EP300: variants seen among roughly 807,000 people sequenced by gnomAD.
EP300 encodes the protein histone acetyltransferase p300.
Under a neutral mutation model 264.0 loss-of-function variants are expected in EP300, and 31 were observed. The ratio of observed to expected loss-of-function variants is 0.12; its 90% CI spans 0.09 to 0.16. The LOEUF (loss-of-function observed/expected upper bound fraction) is 0.16. EP300 is among the 10% of genes least tolerant of loss of function. EP300 has a pLI of 1.00. For synonymous variants in EP300, 1,340 were observed against 1,045.4 expected (o/e 1.28, Z -5.44); for missense variants, 2,766 against 3,052.9 (o/e 0.91, Z 2.21).
chr22:41,098,731 A>G (rs1259236143), intron 1 of EP300, among the ~76,000 whole-genome samples: 3 of 152,186 alleles, frequency 2.0e-5, no homozygotes, highest in African/African-American at 7.2e-5. Flanking sequence ...AGAGTAAGAG[A>G]GTAGCTAAGA....
At chr22:41,163,891 C>G (rs1269308981) in intron 21 of EP300, among the ~76,000 whole-genome samples, 162 bp from the exon 22 acceptor site, 1 of 152,206 alleles carries the variant, frequency 6.6e-6, no homozygotes, top group Non-Finnish European at 1.5e-5. Flanking sequence ...CCAGCCTGTA[C>G]AACAGAGACC....
chr22:41,169,248 G>C, intron 25 of EP300: 1 of 568,346 alleles, frequency 1.8e-6, no homozygotes, highest in Non-Finnish European at 3.1e-6. Context: ...AAACGTATAG[G>C]GATCACCAAA....
chr22:41,134,406 G>A (rs958695354), intron 6 of EP300, among the ~76,000 whole-genome samples: 1 of 152,048 alleles, frequency 6.6e-6, no homozygotes, highest in Non-Finnish European at 1.5e-5. Context: ...GTGTGTGTAT[G>A]TGTGTGTTTG....
chr22:41,105,225 G>A (rs1417181941), intron 1 of EP300, among the ~76,000 whole-genome samples: 4 of 144,626 alleles, frequency 2.8e-5, no homozygotes, highest in Admixed American at 6.9e-5. Context: ...AAAAAAAGCC[G>A]GGCGTGGTGG....
Position 41,179,142 on chromosome 22 carries a change from A to C in EP300, c.*186A>C, listed in dbSNP as rs1212271528. On this transcript the variant is annotated 3_prime_UTR_variant, in exon 31 of 31. Coordinates refer to ENST00000263253, the MANE Select transcript of EP300 (RefSeq NM_001429.4). The stretch of plus-strand genomic sequence containing the variant: ...CAAGATGAACCTGAGGGATGATAGA[A>C]TACAAAGAATATATTTTTGTTATGG... 3 of 654,640 alleles carry C rather than the reference A, an allele frequency of 4.6e-6. No homozygotes were observed. In the African/African-American group the frequency reaches 5.5e-5, roughly 12 times the overall value. The allele number at this position is 654,640 out of a possible 1,614,324, so 40.6% of individuals were successfully genotyped here.
Position 41,176,411 on chromosome 22 carries a change from G to T in EP300, c.4944G>T (p.Gln1648His). 6.2e-7 allele frequency: 1 copy of T among 1,614,258 alleles called. No individual in the cohort carries two copies. Among genetic ancestry groups the T allele is most frequent in the Non-Finnish European group, 8.5e-7 (1 of 1,180,052 alleles). The change falls in exon 30 of 31, where the codon CAG becomes CAT. Residue 1648 changes from glutamine (Q) to histidine (H), a missense_variant. By Grantham distance (24) the Gln-to-His change is conservative. Transcript: ENST00000263253. ...HLEFSSLRRA[Q>H]WSTMCMLVEL... ...AGTTCTCTTCACTCCGAAGAGCCCA[G>T]TGGTCCACCATGTGCATGCTGGTGG...
rs369082793 is a variant in EP300 at position 41,151,783 on chromosome 22, T to G, written c.2818-50T>G. ...CTTACCTTACATTCTGATTGTATCG[T>G]TGGCAGACTCTGCGTGTGTCTCACC... On this transcript the variant is annotated intron_variant, in intron 14 of 30. Transcript: ENST00000263253. 7 of 1,572,568 alleles carry G rather than the reference T, an allele frequency of 4.5e-6. No individual in the cohort carries two copies. The African/African-American group carries it at 5.4e-5, about 12-fold the overall frequency.
chr22:41,119,802 C>T (rs953596862), intron 2 of EP300, among the ~76,000 whole-genome samples: 1 of 152,036 alleles, frequency 6.6e-6, no homozygotes, highest in Non-Finnish European at 1.5e-5. Flanking sequence ...TTCTGTTAAA[C>T]GATATTTTAT....
intron 19 of EP300, chr22:41,158,715 A>G: frequency 5.6e-6 from 3 of 540,090 alleles, no homozygotes; most frequent in Non-Finnish European, 1.0e-5. Context: ...GTTCCTCCCA[A>G]GAGCTTGAGA....
At chr22:41,153,376 A>T (rs1348726926) in intron 16 of EP300, among the ~76,000 whole-genome samples, 2 of 152,202 alleles carry the variant, frequency 1.3e-5, no homozygotes, top group African/African-American at 4.8e-5. Flanking sequence ...GGGATTAAAA[A>T]ATTATTTTCA....
intron 6 of EP300, among the ~76,000 whole-genome samples, chr22:41,134,768 CT>C (rs761830074): frequency 2.0e-5 from 3 of 152,196 alleles, no homozygotes; most frequent in Non-Finnish European, 4.4e-5. Flanking sequence ...GCAATCTTGC[CT>C]TTTCAGGCTT....
At chr22:41,145,852 G>A (rs961018509) in intron 10 of EP300, among the ~76,000 whole-genome samples, 5 of 151,848 alleles carry the variant, frequency 3.3e-5, no homozygotes, top group Non-Finnish European at 5.9e-5. Context: ...ATCTAGGATG[G>A]TCTCGATCTC....
chr22:41,135,742 A>C (rs554913549), intron 6 of EP300, 71 bp from the exon 7 acceptor site: 47 of 1,188,582 alleles, frequency 4.0e-5, no homozygotes, highest in Non-Finnish European at 5.6e-5. Flanking sequence ...TTTGTTTCTT[A>C]ACTTTATAGT....
intron 18 of EP300, 104 bp downstream of exon 18, chr22:41,157,512 C>CTTTTTT (rs1214250106): frequency 1.8e-5 from 8 of 444,374 alleles, no homozygotes; most frequent in East Asian, 1.6e-4. Flanking sequence ...TTTGACATGG[C>CTTTTTT]TTTTTTTTTT....
intron 29 of EP300, among the ~76,000 whole-genome samples, chr22:41,174,263 C>T (rs1048326978): frequency 6.6e-6 from 1 of 152,078 alleles, no homozygotes; most frequent in African/African-American, 2.4e-5. Context: ...AACCGAAACC[C>T]CGTCTCTACT....
chr22:41,178,671 C>G lies in EP300; in HGVS notation c.6960C>G (p.Ser2320=), dbSNP rs1228583426. 1 of 1,614,036 alleles carries G rather than the reference C, an allele frequency of 6.2e-7. No individual in the cohort carries two copies. The highest frequency in any genetic ancestry group is 1.3e-5 in the African/African-American group (1 of 74,898). Residue 2320 remains serine, a synonymous_variant, in exon 31 of 31, where the codon TCC becomes TCG. Transcript: ENST00000263253. ...CTGTCCCTTCTCCACGGCCACAGTCCCAGCCCCCCCACTCCAGTCCTTCCC... is the reference window on the plus strand; with the variant it reads ...CTGTCCCTTCTCCACGGCCACAGTCGCAGCCCCCCCACTCCAGTCCTTCCC... ...PQPVPSPRPQ[S]QPPHSSPSPR...
intron 2 of EP300, among the ~76,000 whole-genome samples, chr22:41,118,792 A>G (rs1466980507): frequency 1.0e-5 from 1 of 96,440 alleles, no homozygotes; most frequent in African/African-American, 3.3e-5. Flanking sequence ...TCTTCTATTT[A>G]AGGGGAAAAA....
chr22:41,150,162 A>G lies in EP300; in HGVS notation c.2781A>G (p.Pro927=). 1.9e-6 allele frequency: 3 copies of G among 1,611,192 alleles called. No homozygotes were observed. Among genetic ancestry groups the G allele is most frequent in the Non-Finnish European group, 2.5e-6 (3 of 1,179,780 alleles). Residue 927 remains proline (P), a synonymous_variant, in exon 14 of 31, where the codon CCA becomes CCG. Transcript: ENST00000263253. ...GCACAGCAGCGTCTGTTCCTACCCC[A>G]ACAGCACCGCTGCTTCCTCCGCAGC... ...QQSTAASVPT[P]TAPLLPPQPA...
Position 41,150,160 on chromosome 22 carries a change from C to T in EP300, c.2779C>T (p.Pro927Ser), listed in dbSNP as rs1274868610. 6 of 1,611,068 alleles carry T rather than the reference C, an allele frequency of 3.7e-6. No homozygotes were observed. The highest frequency in any genetic ancestry group is 4.2e-6 in the Non-Finnish European group (5 of 1,179,788). Residue 927 changes from proline (P) to serine (S), a missense_variant, in exon 14 of 31, where the codon CCA (proline) becomes TCA (serine). Coordinates refer to ENST00000263253, the MANE Select transcript of EP300 (RefSeq NM_001429.4). ...QQSTAASVPTPTAPLLPPQPA... is the reference protein window; with the variant it reads ...QQSTAASVPTSTAPLLPPQPA... ...GAGCACAGCAGCGTCTGTTCCTACCCCAACAGCACCGCTGCTTCCTCCGCA... is the reference window on the plus strand; with the variant it reads ...GAGCACAGCAGCGTCTGTTCCTACCTCAACAGCACCGCTGCTTCCTCCGCA...
Sources: allele counts gnomAD v4.1 joint callset (sites outside exome capture counted in the v4.1 genomes callset), GRCh38; gene constraint gnomAD v4.1.1; transcripts MANE v1.5; gene names NCBI Gene and HGNC (gene_info 2026-07-23, HGNC 2026-07-21).